The following CSMD1 variants were observed in gnomAD, a reference collection of about 807,000 sequenced individuals.
The protein encoded by CSMD1 is CUB and sushi domain-containing protein 1.
A neutral mutation model predicts 417.5 loss-of-function variants in CSMD1; 213 were observed. That is an observed-to-expected ratio of 0.51 (90% CI 0.46 to 0.57). The LOEUF (loss-of-function observed/expected upper bound fraction) is 0.57, where lower values mean the gene tolerates loss of function less well. CSMD1 is among the 20% of genes least tolerant of loss of function. The pLI, the probability that CSMD1 is intolerant of heterozygous loss-of-function variation, is 0.00. For missense variants in CSMD1, 6,923 were observed against 4,529.7 expected (o/e 1.53, Z -15.17); for synonymous variants, 2,862 against 1,736.8 (o/e 1.65, Z -16.11).
At chr8:4,226,884 T>C (rs1007019830) in intron 3 of CSMD1, among the ~76,000 whole-genome samples, 1 of 152,184 alleles carries the variant, frequency 6.6e-6, no homozygotes, top group African/African-American at 2.4e-5. Flanking sequence ...AAGAAATACA[T>C]ATTTGAACGT....
chr8:3,546,441 C>T (rs891845005), intron 10 of CSMD1, among the ~76,000 whole-genome samples: 4 of 151,638 alleles, frequency 2.6e-5, no homozygotes, highest in Non-Finnish European at 5.9e-5. Context: ...GAGGCTGAGG[C>T]AGGAGAATCT....
chr8:4,521,480 A>C (rs575156594), intron 2 of CSMD1, among the ~76,000 whole-genome samples: 4 of 152,232 alleles, frequency 2.6e-5, no homozygotes, highest in Admixed American at 6.5e-5. Flanking sequence ...ATATGCATTT[A>C]TATAAGAAAA....
At chr8:4,127,623 C>T (rs1057123673) in intron 3 of CSMD1, among the ~76,000 whole-genome samples, 1 of 152,036 alleles carries the variant, frequency 6.6e-6, no homozygotes, top group Non-Finnish European at 1.5e-5. Context: ...ACCCAAAGTA[C>T]CTGTATGCAT....
chr8:3,409,504 C>G lies in CSMD1; in HGVS notation c.1663G>C (p.Ala555Pro). Reference protein sequence around the residue: ...HGDTLTFECPAAFELVGERVI... With the variant: ...HGDTLTFECPPAFELVGERVI... Reference sequence around the variant, plus strand: ...CTCTCCCCCACCAGCTCAAAGGCCGCCGGGCATTCAAAGGTGAGTGTATCT... The same window carrying G: ...CTCTCCCCCACCAGCTCAAAGGCCGGCGGGCATTCAAAGGTGAGTGTATCT... The change falls in exon 13 of 70, where the codon GCG (alanine) becomes CCG (proline). Residue 555 changes from alanine (A) to proline (P), a missense_variant. Ala to Pro is a conservative substitution (Grantham distance 27). Coordinates refer to ENST00000635120, the MANE Select transcript of CSMD1 (RefSeq NM_033225.6). 1 of 1,611,292 alleles carries G rather than the reference C, an allele frequency of 6.2e-7. No homozygotes were observed. Among genetic ancestry groups the G allele is most frequent in the South Asian group, 1.1e-5 (1 of 90,210 alleles).
intron 1 of CSMD1, among the ~76,000 whole-genome samples, chr8:4,721,356 C>G (rs76215900): frequency 6.6e-6 from 1 of 152,002 alleles, no homozygotes; most frequent in Non-Finnish European, 1.5e-5. Context: ...ATTCTACTGC[C>G]TAGTGATAGA....
chr8:4,128,092 G>T (rs1390198670), intron 3 of CSMD1, among the ~76,000 whole-genome samples: 1 of 152,140 alleles, frequency 6.6e-6, no homozygotes, highest in Non-Finnish European at 1.5e-5. Flanking sequence ...TTCCTCAACA[G>T]TCTTCACATG....
intron 23 of CSMD1, among the ~76,000 whole-genome samples, chr8:3,315,542 GCTA>G: frequency 6.6e-6 from 1 of 151,596 alleles, no homozygotes; most frequent in South Asian, 2.1e-4. Context: ...CCTCTTGTTA[GCTA>G]CTATTTTCAT....
intron 26 of CSMD1, among the ~76,000 whole-genome samples, chr8:3,260,517 T>A (rs1800984437): frequency 6.6e-6 from 1 of 152,018 alleles, no homozygotes; most frequent in Non-Finnish European, 1.5e-5. Flanking sequence ...GGATAAACAT[T>A]CCTCATTTCA....
At chr8:4,246,837 G>T (rs1053718878) in intron 3 of CSMD1, among the ~76,000 whole-genome samples, 1 of 152,128 alleles carries the variant, frequency 6.6e-6, no homozygotes, top group Non-Finnish European at 1.5e-5. Context: ...AATGTTCATA[G>T]AATTTAGAGC....
chr8:4,370,154 T>C (rs377522307), intron 3 of CSMD1, among the ~76,000 whole-genome samples: 2 of 151,864 alleles, frequency 1.3e-5, no homozygotes, highest in Admixed American at 1.3e-4. Flanking sequence ...ACAAATTACC[T>C]TAGCTTTGGC....
chr8:3,138,031 C>T (rs1457554787), intron 41 of CSMD1, among the ~76,000 whole-genome samples: 1 of 152,136 alleles, frequency 6.6e-6, no homozygotes, highest in Non-Finnish European at 1.5e-5. Flanking sequence ...TCGAGACCAA[C>T]CTGGCCAACA....
chr8:3,022,623 T>C (rs2128972308), intron 51 of CSMD1, among the ~76,000 whole-genome samples: 1 of 151,644 alleles, frequency 6.6e-6, no homozygotes, highest in Admixed American at 6.6e-5. Context: ...ATATTACTTG[T>C]GAGTGTGACA....
chr8:3,075,520 T>A (rs1824458), intron 49 of CSMD1, among the ~76,000 whole-genome samples: 88,998 of 151,190 alleles, frequency 0.59, 26,537 homozygotes, highest in Non-Finnish European at 0.6. Context: ...ACCTCAGCTG[T>A]TCTGTCCACC....
intron 5 of CSMD1, among the ~76,000 whole-genome samples, chr8:3,933,498 T>C (rs1388429810): frequency 6.6e-6 from 1 of 152,130 alleles, no homozygotes; most frequent in African/African-American, 2.4e-5. Context: ...CATGGTCTTC[T>C]TTAACAGAGA....
chr8:4,059,678 A>G (rs1223379978), intron 3 of CSMD1, among the ~76,000 whole-genome samples: 2 of 152,186 alleles, frequency 1.3e-5, no homozygotes, highest in African/African-American at 4.8e-5. Context: ...TACGCAAATA[A>G]ACTAGAAAAT....
Position 4,994,545 on chromosome 8 carries a change from C to G in CSMD1, c.-129G>C, listed in dbSNP as rs543559902. ...GAGAGCCCGGTCCCAAGACCCGCCG[C>G]GCATCCGACGCCTCCTGAAGGTCTG... On this transcript the variant is annotated 5_prime_UTR_variant, in exon 1 of 70. Transcript: ENST00000635120. 1 of 788,320 alleles carries G rather than the reference C, an allele frequency of 1.3e-6. No homozygotes were observed. Among genetic ancestry groups the G allele is most frequent in the South Asian group, 1.7e-5 (1 of 60,468 alleles). The allele number at this position is 788,320 out of a possible 1,614,324, so 48.8% of individuals were successfully genotyped here. A position where few individuals can be genotyped will look rare whatever the true frequency, so the allele number is the denominator to read the frequency against.
chr8:4,348,066 G>C (rs34381340), intron 3 of CSMD1, among the ~76,000 whole-genome samples: 2 of 151,976 alleles, frequency 1.3e-5, no homozygotes, highest in Non-Finnish European at 2.9e-5. Context: ...AAATACACCA[G>C]GCAAAAACAA....
At chr8:4,251,340 T>C (rs1358518107) in intron 3 of CSMD1, among the ~76,000 whole-genome samples, 1 of 152,174 alleles carries the variant, frequency 6.6e-6, no homozygotes, top group African/African-American at 2.4e-5. Context: ...CCACATTTAA[T>C]AAAATGTAAT....
At chr8:3,283,197 C>T (rs1802869693) in intron 26 of CSMD1, among the ~76,000 whole-genome samples, 1 of 152,070 alleles carries the variant, frequency 6.6e-6, no homozygotes, top group Non-Finnish European at 1.5e-5. Context: ...AAAAAAAATT[C>T]ACGGACCGTC....
Sources: allele counts gnomAD v4.1 joint callset (sites outside exome capture counted in the v4.1 genomes callset), GRCh38; gene constraint gnomAD v4.1.1; transcripts MANE v1.5; gene names NCBI Gene and HGNC (gene_info 2026-07-23, HGNC 2026-07-21).